Variants in NSMCE2 observed in about 807,000 individuals in gnomAD.
NSMCE2 encodes NSE2 SUMO ligase component of SMC5/6 complex.
A neutral mutation model predicts 23.8 loss-of-function variants in NSMCE2; 24 were observed. The ratio of observed to expected loss-of-function variants is 1.01; its 90% confidence interval spans 0.73 to 1.42. The LOEUF is 1.42. Ranked by LOEUF, NSMCE2 falls within the 40% of genes most tolerant of loss-of-function variation. The pLI is 0.00. For synonymous variants in NSMCE2, 92 were observed against 94.1 expected (o/e 0.98, Z 0.13); for missense variants, 284 against 296.5 (o/e 0.96, Z 0.31).
chr8:125,188,079 A>T (rs1238306548), intron 5 of NSMCE2, among the ~76,000 whole-genome samples: 1 of 152,192 alleles, frequency 6.6e-6, no homozygotes, highest in Non-Finnish European at 1.5e-5. Flanking sequence ...TCTAGCAATT[A>T]ATATGGATTC....
At chr8:125,287,826 C>G (rs1827959259) in intron 5 of NSMCE2, among the ~76,000 whole-genome samples, 1 of 152,204 alleles carries the variant, frequency 6.6e-6, no homozygotes, top group Admixed American at 6.5e-5. Flanking sequence ...TGCAGAATAT[C>G]TCCAGTGACC....
intron 3 of NSMCE2, among the ~76,000 whole-genome samples, chr8:125,133,150 G>C (rs1819859574): frequency 6.6e-6 from 1 of 152,154 alleles, no homozygotes. Context: ...ATTAAAAACT[G>C]CAGATATCCA....
chr8:125,276,443 T>C (rs1827452389), intron 5 of NSMCE2, among the ~76,000 whole-genome samples: 2 of 151,822 alleles, frequency 1.3e-5, no homozygotes, highest in South Asian at 4.2e-4. Flanking sequence ...TGCTTACTGA[T>C]ACCTTTTGCT....
chr8:125,101,329 T>A (rs571136567), intron 1 of NSMCE2, among the ~76,000 whole-genome samples: 37 of 152,184 alleles, frequency 2.4e-4, no homozygotes, highest in Non-Finnish European at 4.1e-4. Context: ...ACTACACAGT[T>A]CCCCACTTAG....
At chr8:125,092,253 G>T (rs1257121845) in intron 1 of NSMCE2, among the ~76,000 whole-genome samples, 2 of 152,148 alleles carry the variant, frequency 1.3e-5, no homozygotes, top group African/African-American at 4.8e-5. Flanking sequence ...AAACTCTCTG[G>T]ACCTCAATTT....
At chr8:125,276,305 T>A (rs1395833642) in intron 5 of NSMCE2, among the ~76,000 whole-genome samples, 2 of 152,222 alleles carry the variant, frequency 1.3e-5, no homozygotes, top group Non-Finnish European at 2.9e-5. Flanking sequence ...CCACTCTGAT[T>A]TGCTTCCAAC....
intron 3 of NSMCE2, among the ~76,000 whole-genome samples, chr8:125,129,835 A>G (rs988576434): frequency 2.0e-5 from 3 of 152,094 alleles, no homozygotes; most frequent in Admixed American, 1.3e-4. Context: ...TAGATTTACC[A>G]AAGTTGTAGA....
intron 4 of NSMCE2, among the ~76,000 whole-genome samples, chr8:125,161,812 A>G (rs567178775): frequency 6.7e-6 from 1 of 149,884 alleles, no homozygotes; most frequent in African/African-American, 2.5e-5. Context: ...AAAAAATCGG[A>G]AACGGTAACC....
intron 5 of NSMCE2, among the ~76,000 whole-genome samples, chr8:125,265,515 C>G (rs1297730074): frequency 6.6e-6 from 1 of 152,222 alleles, no homozygotes; most frequent in African/African-American, 2.4e-5. Flanking sequence ...GCCACTGCAC[C>G]TAGTCTTTTG....
intron 3 of NSMCE2, among the ~76,000 whole-genome samples, chr8:125,110,762 GTTTTTTT>G (rs1017002301): frequency 4.3e-4 from 18 of 41,826 alleles, no homozygotes; most frequent in African/African-American, 1.5e-3. Context: ...GGTTGTTGTT[GTTTTTTT>G]TTTTTTTTTT....
At chr8:125,336,578 T>C (rs548870370) in intron 5 of NSMCE2, among the ~76,000 whole-genome samples, 4 of 152,296 alleles carry the variant, frequency 2.6e-5, no homozygotes, top group African/African-American at 9.6e-5. Context: ...GGTGGCTTTG[T>C]TGGGTGATAC....
At chr8:125,097,759 A>T (rs1294509457) in intron 1 of NSMCE2, among the ~76,000 whole-genome samples, 1 of 152,172 alleles carries the variant, frequency 6.6e-6, no homozygotes, top group Non-Finnish European at 1.5e-5. Context: ...GAAAGGAGTT[A>T]TGTTTATTCT....
At chr8:125,150,228 A>G (rs1417759732) in intron 3 of NSMCE2, among the ~76,000 whole-genome samples, 5 of 152,062 alleles carry the variant, frequency 3.3e-5, no homozygotes, top group African/African-American at 1.2e-4. Flanking sequence ...TCTTTATACA[A>G]AGAGTTGGGA....
chr8:125,263,508 G>C (rs978009647), intron 5 of NSMCE2, among the ~76,000 whole-genome samples: 5 of 152,236 alleles, frequency 3.3e-5, no homozygotes, highest in African/African-American at 9.6e-5. Flanking sequence ...CCAATACTTT[G>C]GGAGACCAAG....
intron 5 of NSMCE2, among the ~76,000 whole-genome samples, chr8:125,337,901 A>AAG (rs1830115020): frequency 6.6e-6 from 1 of 150,514 alleles, no homozygotes; most frequent in South Asian, 2.1e-4. Flanking sequence ...AAAAAAAAAA[A>AAG]AAAAGAAAGA....
At chr8:125,144,753 TTCA>T (rs1262368083) in intron 3 of NSMCE2, among the ~76,000 whole-genome samples, 1 of 152,238 alleles carries the variant, frequency 6.6e-6, no homozygotes. Context: ...TTGTGCCTCA[TTCA>T]TCATCTTCTA....
chr8:125,243,784 C>T (rs574863735), intron 5 of NSMCE2, among the ~76,000 whole-genome samples: 14 of 152,162 alleles, frequency 9.2e-5, no homozygotes, highest in African/African-American at 3.1e-4. Context: ...CTAATAGTCC[C>T]GCATGCTAAA....
intron 4 of NSMCE2, among the ~76,000 whole-genome samples, chr8:125,158,416 AAG>A (rs1450854218): frequency 6.6e-6 from 1 of 152,142 alleles, no homozygotes; most frequent in Non-Finnish European, 1.5e-5. Context: ...AGAGGAAAAG[AAG>A]AGAGGGGCTT....
chr8:125,257,133 A>G (rs929536027), intron 5 of NSMCE2, among the ~76,000 whole-genome samples: 14 of 150,058 alleles, frequency 9.3e-5, no homozygotes, highest in African/African-American at 3.2e-4. Flanking sequence ...AAAATACAAA[A>G]ATTAGTCAGG....
Sources: allele counts gnomAD v4.1 joint callset (sites outside exome capture counted in the v4.1 genomes callset), GRCh38; gene constraint gnomAD v4.1.1; transcripts MANE v1.5; gene names NCBI Gene and HGNC (gene_info 2026-07-23, HGNC 2026-07-21).